Variants in ZNF451 observed in about 807,000 individuals in gnomAD.
ZNF451 encodes E3 SUMO-protein ligase ZNF451.
ZNF451 carries 80 observed loss-of-function variants against 107.1 expected under a neutral mutation model. The ratio of observed to expected loss-of-function variants is 0.75; its 90% CI spans 0.62 to 0.90. The LOEUF (loss-of-function observed/expected upper bound fraction) is 0.90, where lower values mean the gene tolerates loss of function less well. Ranked by LOEUF, ZNF451 falls within the 40% of genes least tolerant of loss-of-function variation. The pLI is 0.00. For missense variants in ZNF451, 1,107 were observed against 1,236.2 expected (o/e 0.90, Z 1.57); for synonymous variants, 362 against 406.5 (o/e 0.89, Z 1.32).
rs761682705 is a variant in ZNF451 at position 57,154,125 on chromosome 6, C to T, written c.3070+78C>T. On this transcript the variant is annotated intron_variant, in intron 13 of 14. Transcript: ENST00000370706. ...CTGAGAGAAACCAATAAACTGCTGTCCGCTAGTGAACTGTTGCCTGCTTGC... is the reference window on the plus strand; with the variant it reads ...CTGAGAGAAACCAATAAACTGCTGTTCGCTAGTGAACTGTTGCCTGCTTGC... 3 of 1,402,706 alleles carry T rather than the reference C, an allele frequency of 2.1e-6. No individual in the cohort carries two copies. The African/African-American group carries it at 4.2e-5, about 20-fold the overall frequency. 86.9% of individuals were successfully genotyped at this position (1,402,706 alleles called of 1,614,324 possible).
chr6:57,134,694 C>T (rs761465979), intron 6 of ZNF451, 50 bp from the exon 7 acceptor site: 14 of 1,563,830 alleles, frequency 9.0e-6, no homozygotes, highest in Non-Finnish European at 1.1e-5. Context: ...AGTTGTTTCC[C>T]TAGAATGTAG....
intron 13 of ZNF451, among the ~76,000 whole-genome samples, chr6:57,156,153 G>GA (rs1298797003): frequency 6.6e-6 from 1 of 152,008 alleles, no homozygotes; most frequent in African/African-American, 2.4e-5. Context: ...ACCATAAAAA[G>GA]AAAATGTGAT....
chr6:57,161,067 T>A lies in ZNF451; in HGVS notation c.3071-17T>A, dbSNP rs752772163. The A allele has an allele frequency of 1.8e-5, 27 of 1,515,558 alleles. No homozygotes were observed. The highest frequency in any genetic ancestry group is 2.3e-5 in the Non-Finnish European group (26 of 1,129,886). 93.9% of individuals were successfully genotyped at this position (1,515,558 alleles called of 1,614,324 possible). A position where few individuals can be genotyped will look rare whatever the true frequency, so the allele number is the denominator to read the frequency against. On this transcript the variant is annotated splice_polypyrimidine_tract_variant and intron_variant, in intron 13 of 14. Transcript: ENST00000370706. ...ATTTATGGCACAATAACTGCATGTATTGATTCTTCTTTACAGAATGTGACA... is the reference window on the plus strand; with the variant it reads ...ATTTATGGCACAATAACTGCATGTAATGATTCTTCTTTACAGAATGTGACA...
intron 13 of ZNF451, 63 bp from the exon 14 acceptor site, chr6:57,161,021 A>C: frequency 9.4e-7 from 1 of 1,068,456 alleles, no homozygotes; most frequent in Non-Finnish European, 1.3e-6. Context: ...AGTTATTGAA[A>C]ATAATATTGA....
chr6:57,103,786 A>C (rs1266514339), intron 3 of ZNF451: 2 of 985,212 alleles, frequency 2.0e-6, no homozygotes, highest in Non-Finnish European at 2.4e-6. Context: ...CAGTTGTTGC[A>C]CAGTGGTAAT....
intron 3 of ZNF451, chr6:57,100,672 C>G (rs1829549892): frequency 6.5e-7 from 1 of 1,549,854 alleles, no homozygotes; most frequent in Non-Finnish European, 8.7e-7. Context: ...CTGCAATGTT[C>G]CTCTTCCCAT....
intron 3 of ZNF451, chr6:57,104,395 G>C: frequency 4.1e-6 from 4 of 985,302 alleles, no homozygotes; most frequent in Non-Finnish European, 4.8e-6. Flanking sequence ...ACTAGCTAAG[G>C]CTACTTCAGA....
At chr6:57,157,429 T>C (rs965836316) in intron 13 of ZNF451, among the ~76,000 whole-genome samples, 7 of 152,196 alleles carry the variant, frequency 4.6e-5, no homozygotes, top group African/African-American at 1.7e-4. Flanking sequence ...CATTTGTTCC[T>C]AAGGCATTGT....
chr6:57,101,394 C>T, intron 3 of ZNF451: 1 of 1,550,664 alleles, frequency 6.4e-7, no homozygotes, highest in South Asian at 1.2e-5. Context: ...TCATGGGACA[C>T]AGGGTATATC....
chr6:57,155,818 CTTTTTTTTT>C (rs528621372), intron 13 of ZNF451, among the ~76,000 whole-genome samples: 5 of 107,296 alleles, frequency 4.7e-5, no homozygotes, highest in South Asian at 3.1e-4. Flanking sequence ...TCTAGGTATT[CTTTTTTTTT>C]TTTTTTTTTT....
intron 8 of ZNF451, 124 bp downstream of exon 8, chr6:57,141,579 G>T: frequency 1.1e-6 from 1 of 906,654 alleles, no homozygotes; most frequent in Non-Finnish European, 1.6e-6. Context: ...GAAAGTAAAA[G>T]ATTATCTCAA....
chr6:57,153,744 G>T (rs1763262041), intron 12 of ZNF451, 117 bp from the exon 13 acceptor site: 1 of 994,696 alleles, frequency 1.0e-6, no homozygotes. Context: ...CTTTGGTAGG[G>T]ACTAGGGAAC....
At chr6:57,123,680 A>G (rs1350055837) in intron 3 of ZNF451, among the ~76,000 whole-genome samples, 1 of 152,218 alleles carries the variant, frequency 6.6e-6, no homozygotes, top group Non-Finnish European at 1.5e-5. Flanking sequence ...ATGAAAAAAA[A>G]AAAGTTTTAT....
At chr6:57,148,942 G>A (rs544549081) in intron 10 of ZNF451, among the ~76,000 whole-genome samples, 55 of 152,274 alleles carry the variant, frequency 3.6e-4, no homozygotes, top group African/African-American at 1.2e-3. Context: ...TACAAAAGGT[G>A]TGGAGATTTT....
In ZNF451 at chr6:57,091,867, C is replaced by T. The variant is rs138119178; in HGVS notation, c.105+973C>T. Among the ~76,000 whole-genome samples the T allele has an allele frequency of 1.5e-4, 23 of 152,262 alleles. No individual in the cohort carries two copies. In the East Asian group the frequency reaches 4.1e-3, roughly 27 times the overall value. Reference sequence around the variant, plus strand: ...ACAGTTTCTTTCCCAGCATTAGGGCCATTTTGGTAATTCATTTTTGTATGG... The same window carrying T: ...ACAGTTTCTTTCCCAGCATTAGGGCTATTTTGGTAATTCATTTTTGTATGG... On this transcript the variant is annotated intron_variant, in intron 2 of 14. Coordinates refer to ENST00000370706, the MANE Select transcript of ZNF451 (RefSeq NM_001031623.3).
At chr6:57,154,537 C>T (rs553375026) in intron 13 of ZNF451, 1 of 160,940 alleles carries the variant, frequency 6.2e-6, no homozygotes, top group Admixed American at 6.3e-5. Context: ...TATCTTATTG[C>T]TGGGACTTGC....
At position 57,145,394 on chromosome 6, in the gene ZNF451, A is replaced by G. The variant is rs541392870; in HGVS notation, c.1005-1696A>G. Among the ~76,000 whole-genome samples, 11 of 152,306 alleles carry G rather than the reference A, an allele frequency of 7.2e-5. 1 individual carries two copies. The South Asian group carries it at 1.0e-3, about 14-fold the overall frequency. On this transcript the variant is annotated intron_variant, in intron 9 of 14. Transcript: ENST00000370706. The stretch of plus-strand genomic sequence containing the variant: ...AGATATCTGGGCTTTTAATGTCACT[A>G]TCATCCAAATAGTGAACATTGTACC...
chr6:57,145,948 C>G (rs988059062), intron 9 of ZNF451, among the ~76,000 whole-genome samples: 1 of 152,164 alleles, frequency 6.6e-6, no homozygotes, highest in African/African-American at 2.4e-5. Context: ...TTCTCTGTAT[C>G]CTTGCCAACA....
At chr6:57,096,606 CG>C (rs1250493099) in intron 2 of ZNF451, among the ~76,000 whole-genome samples, 1 of 38,634 alleles carries the variant, frequency 2.6e-5, no homozygotes, top group Non-Finnish European at 5.1e-5. Flanking sequence ...GTTACCGGGG[CG>C]GGGGGGTAGG....
Sources: gnomAD v4.1 joint callset for allele counts (sites outside exome capture counted in the v4.1 genomes callset) on GRCh38, gnomAD v4.1.1 for gene constraint, MANE v1.5 for transcripts, NCBI Gene and HGNC (gene_info 2026-07-23, HGNC 2026-07-21) for gene names.